The following FBXO34 variants were observed in gnomAD, a reference collection of about 807,000 sequenced individuals.
The protein encoded by FBXO34 is F-box only protein 34.
A neutral mutation model predicts 24.5 loss-of-function variants in FBXO34; 12 were observed. That is an observed-to-expected ratio of 0.49 (90% confidence interval 0.31 to 0.79). The LOEUF is 0.79. FBXO34 is among the 30% of genes least tolerant of loss of function. The pLI, the probability that FBXO34 is intolerant of heterozygous loss-of-function variation, is 0.04. For missense variants in FBXO34, 823 were observed against 857.7 expected, an observed-to-expected ratio of 0.96 and a Z score of 0.51; for synonymous variants, 320 against 311.9, an observed-to-expected ratio of 1.03 and a Z score of -0.27.
downstream of FBXO34, among the ~76,000 whole-genome samples, chr14:55,370,226 A>G (rs1296446674): frequency 6.6e-6 from 1 of 152,212 alleles, no homozygotes; most frequent in African/African-American, 2.4e-5. Flanking sequence ...TGCTGGTCCT[A>G]AGTCTGACTT....
At chr14:55,296,400 T>TG (rs1179256434) in intron 1 of FBXO34, among the ~76,000 whole-genome samples, 3 of 133,602 alleles carry the variant, frequency 2.2e-5, no homozygotes, top group African/African-American at 5.7e-5. Context: ...TGTTTTTTTT[T>TG]TTTTTTTTTT....
At chr14:55,313,517 G>A (rs1882821393) in intron 1 of FBXO34, among the ~76,000 whole-genome samples, 1 of 152,086 alleles carries the variant, frequency 6.6e-6, no homozygotes, top group South Asian at 2.1e-4. Flanking sequence ...TCAATTTACT[G>A]TATTAGTCTG....
chr14:55,317,577 CCTATT>C (rs1351074787), intron 1 of FBXO34, among the ~76,000 whole-genome samples: 4 of 152,206 alleles, frequency 2.6e-5, no homozygotes, highest in Non-Finnish European at 5.9e-5. Context: ...TGGATGCTCT[CCTATT>C]CTGTTTATAT....
intron 1 of FBXO34, among the ~76,000 whole-genome samples, chr14:55,324,247 G>T (rs1883267801): frequency 6.6e-6 from 1 of 152,166 alleles, no homozygotes; most frequent in African/African-American, 2.4e-5. Flanking sequence ...GTTTATCCAT[G>T]TTGTAGTGGA....
chr14:55,362,162 G>A (rs1275137500), downstream of FBXO34, among the ~76,000 whole-genome samples: 4 of 152,060 alleles, frequency 2.6e-5, no homozygotes, highest in East Asian at 7.7e-4. Flanking sequence ...GGCTATAATT[G>A]GCCCGATTTC....
intron 1 of FBXO34, among the ~76,000 whole-genome samples, chr14:55,342,173 G>GA (rs1364181947): frequency 6.6e-6 from 1 of 152,096 alleles, no homozygotes; most frequent in Admixed American, 6.5e-5. Context: ...CTACCTTCTG[G>GA]AAGTTAGCTT....
downstream of FBXO34, among the ~76,000 whole-genome samples, chr14:55,364,726 ACTT>A (rs1435099508): frequency 5.6e-5 from 7 of 125,590 alleles, no homozygotes; most frequent in African/African-American, 2.1e-4. Context: ...ACAGTGCCCA[ACTT>A]TTTTTTTTTT....
intron 1 of FBXO34, chr14:55,272,292 T>G (rs1402842475): frequency 6.6e-6 from 1 of 152,254 alleles, no homozygotes; most frequent in East Asian, 1.9e-4. Context: ...GTATCAGCAT[T>G]TTGCAATTTT....
chr14:55,280,495 T>G (rs1881496380), intron 1 of FBXO34, among the ~76,000 whole-genome samples: 1 of 150,940 alleles, frequency 6.6e-6, no homozygotes, highest in South Asian at 2.1e-4. Flanking sequence ...GCGTAGGTTA[T>G]ATGCAAATAC....
At chr14:55,374,711 T>C (rs1884886539), downstream of FBXO34, among the ~76,000 whole-genome samples, 1 of 152,208 alleles carries the variant, frequency 6.6e-6, no homozygotes, top group African/African-American at 2.4e-5. Context: ...ATATAGAATG[T>C]GGTATGAACT....
the FBXO34 span, chr14:55,424,049 T>C: frequency 1.4e-6 from 1 of 702,038 alleles, no homozygotes; most frequent in Admixed American, 2.6e-5. Context: ...CCAGGTATTC[T>C]GTATAACAAG....
At chr14:55,415,679 A>G in the FBXO34 span, among the ~76,000 whole-genome samples, 1 of 152,112 alleles carries the variant, frequency 6.6e-6, no homozygotes, top group African/African-American at 2.4e-5. Context: ...AGCCTGGCCA[A>G]CACGGCGAAA....
the FBXO34 span, among the ~76,000 whole-genome samples, chr14:55,439,618 C>CCCCCCCCCCCGT: frequency 1.7e-5 from 1 of 60,244 alleles, no homozygotes; most frequent in Non-Finnish European, 3.2e-5. Context: ...AAGCAAACCC[C>CCCCCCCCCCCGT]CCCCCGTCTC....
At chr14:55,439,389 A>G in the FBXO34 span, among the ~76,000 whole-genome samples, 1 of 151,866 alleles carries the variant, frequency 6.6e-6, no homozygotes, top group African/African-American at 2.4e-5. Flanking sequence ...ACTGGCATCC[A>G]TGCTGCAGGG....
the FBXO34 span, among the ~76,000 whole-genome samples, chr14:55,421,860 T>C: frequency 0.74 from 112,059 of 152,176 alleles, 41,778 homozygotes; most frequent in African/African-American, 0.85. Flanking sequence ...ACATGTCATT[T>C]TGCTGGATGC....
intron 1 of FBXO34, among the ~76,000 whole-genome samples, chr14:55,297,981 C>G (rs1210344286): frequency 6.6e-6 from 1 of 152,196 alleles, no homozygotes; most frequent in Non-Finnish European, 1.5e-5. Flanking sequence ...AAATGGATGT[C>G]TAGGGCAGGA....
intron 1 of FBXO34, among the ~76,000 whole-genome samples, chr14:55,349,370 A>G (rs1884262739): frequency 6.6e-6 from 1 of 152,120 alleles, no homozygotes; most frequent in African/African-American, 2.4e-5. Flanking sequence ...CCAAGGACCA[A>G]AACAAGGCAC....
At chr14:55,308,902 C>T (rs1882642112) in intron 1 of FBXO34, among the ~76,000 whole-genome samples, 1 of 152,214 alleles carries the variant, frequency 6.6e-6, no homozygotes, top group Non-Finnish European at 1.5e-5. Flanking sequence ...CACTGCAGTA[C>T]TACCAGTACC....
chr14:55,305,694 C>G (rs368767385), intron 1 of FBXO34, among the ~76,000 whole-genome samples: 4 of 151,912 alleles, frequency 2.6e-5, no homozygotes, highest in South Asian at 4.2e-4. Context: ...CTTAAAGCCT[C>G]TACAACAGGA....
Sources: allele counts gnomAD v4.1 joint callset (sites outside exome capture counted in the v4.1 genomes callset), GRCh38; gene constraint gnomAD v4.1.1; transcripts MANE v1.5; gene names NCBI Gene and HGNC (gene_info 2026-07-23, HGNC 2026-07-21).